CES5A: variants seen among roughly 807,000 people sequenced by gnomAD.
The protein encoded by CES5A is carboxylesterase 5A.
A neutral mutation model predicts 62.9 loss-of-function variants in CES5A; 67 were observed. That is an observed-to-expected ratio of 1.07 (90% CI 0.88 to 1.31). The LOEUF (loss-of-function observed/expected upper bound fraction) is 1.31. Ranked by LOEUF, CES5A falls within the 50% of genes most tolerant of loss-of-function variation. CES5A has a pLI of 0.00. For missense variants in CES5A, 748 were observed against 708.5 expected (o/e 1.06, Z -0.63); for synonymous variants, 296 against 280.8 (o/e 1.05, Z -0.54).
At chr16:55,941,198 G>A (rs1452058527) in intron 2 of CES5A, among the ~76,000 whole-genome samples, 2 of 151,938 alleles carry the variant, frequency 1.3e-5, no homozygotes, top group African/African-American at 4.8e-5. Flanking sequence ...TAGAAAAGAA[G>A]AAATAAAACC....
chr16:55,890,022 G>T (rs1347847303), intron 1 of CES5A, among the ~76,000 whole-genome samples: 3 of 152,142 alleles, frequency 2.0e-5, no homozygotes, highest in African/African-American at 4.8e-5. Context: ...TGACCTTCCA[G>T]CCAGGAAAGC....
At chr16:55,862,307 C>T (rs553417519) in intron 6 of CES5A, among the ~76,000 whole-genome samples, 150 of 152,188 alleles carry the variant, frequency 9.9e-4, no homozygotes, top group Non-Finnish European at 1.7e-3. Context: ...AGTTACAGAC[C>T]CTCTCCCTGG....
chr16:55,904,705 T>C (rs1209219433), intron 1 of CES5A, among the ~76,000 whole-genome samples: 3 of 152,226 alleles, frequency 2.0e-5, no homozygotes, highest in Non-Finnish European at 4.4e-5. Flanking sequence ...GTGATTTACC[T>C]ATAGTAGCAC....
Position 55,852,499 on chromosome 16 carries a change from C to T in CES5A, c.1273+382G>A, listed in dbSNP as rs1237712338. On this transcript the variant is annotated intron_variant, in intron 10 of 12. Transcript: ENST00000290567. ...GCATTTAAAATAGTTGATTTAAAGTCGATTACTTTAGGAGTTCCATTACTC... is the reference window on the plus strand; with the variant it reads ...GCATTTAAAATAGTTGATTTAAAGTTGATTACTTTAGGAGTTCCATTACTC... Among the ~76,000 whole-genome samples the T allele has an allele frequency of 3.3e-5, 5 of 152,204 alleles. No homozygotes were observed. The East Asian group carries it at 5.8e-4, about 18-fold the overall frequency.
At chr16:55,934,306 A>G (rs2034344973) in intron 2 of CES5A, among the ~76,000 whole-genome samples, 1 of 152,232 alleles carries the variant, frequency 6.6e-6, no homozygotes, top group Non-Finnish European at 1.5e-5. Flanking sequence ...TCACTGATGC[A>G]TTCCAAGCAT....
intron 1 of CES5A, among the ~76,000 whole-genome samples, chr16:55,888,401 G>A (rs991324066): frequency 2.0e-5 from 3 of 152,188 alleles, no homozygotes; most frequent in African/African-American, 7.2e-5. Context: ...AGAACCAGTG[G>A]ATAAAGGCTC....
At chr16:55,903,636 T>C (rs1240413214) in intron 1 of CES5A, among the ~76,000 whole-genome samples, 1 of 152,164 alleles carries the variant, frequency 6.6e-6, no homozygotes, top group Non-Finnish European at 1.5e-5. Context: ...ATAAGAGAAA[T>C]AGTAAAAATA....
chr16:55,905,640 A>G (rs1291906820), intron 1 of CES5A, among the ~76,000 whole-genome samples: 1 of 152,044 alleles, frequency 6.6e-6, no homozygotes, highest in Non-Finnish European at 1.5e-5. Flanking sequence ...GATTACAGGC[A>G]TGAGCCACCG....
At chr16:55,902,511 G>A (rs2034000840) in intron 1 of CES5A, among the ~76,000 whole-genome samples, 2 of 152,204 alleles carry the variant, frequency 1.3e-5, no homozygotes, top group Admixed American at 6.5e-5. Flanking sequence ...ACCTGCCCGT[G>A]GGAGGGATGT....
intron 1 of CES5A, among the ~76,000 whole-genome samples, chr16:55,923,629 A>C (rs2034230922): frequency 6.6e-6 from 1 of 151,912 alleles, no homozygotes; most frequent in Admixed American, 6.6e-5. Flanking sequence ...TCTTCAAAAA[A>C]ATTGAAGAGG....
intron 1 of CES5A, among the ~76,000 whole-genome samples, chr16:55,920,898 C>T: frequency 6.6e-6 from 1 of 152,042 alleles, no homozygotes; most frequent in East Asian, 1.9e-4. Flanking sequence ...AGAAATTTAC[C>T]ACAGAAACTT....
intron 1 of CES5A, among the ~76,000 whole-genome samples, chr16:55,918,525 C>A (rs1390173656): frequency 2.0e-5 from 3 of 152,170 alleles, no homozygotes; most frequent in Non-Finnish European, 4.4e-5. Flanking sequence ...TTACCAACTT[C>A]TTATCATTTC....
intron 2 of CES5A, among the ~76,000 whole-genome samples, chr16:55,949,323 C>G (rs2034529729): frequency 1.3e-5 from 2 of 152,170 alleles, no homozygotes; most frequent in African/African-American, 4.8e-5. Flanking sequence ...TCGGAACTGC[C>G]TGAGTTGGGG....
intron 1 of CES5A, among the ~76,000 whole-genome samples, chr16:55,916,557 C>T (rs151129792): frequency 9.8e-5 from 15 of 152,292 alleles, no homozygotes; most frequent in Non-Finnish European, 1.9e-4. Context: ...AACTAATTAA[C>T]CCAAATAGGA....
At position 55,859,588 on chromosome 16, in the gene CES5A, T is replaced by A; in HGVS notation, c.1015A>T (p.Ile339Phe). The A allele has an allele frequency of 6.2e-7, 1 of 1,613,908 alleles. No homozygotes were observed. Among genetic ancestry groups the A allele is most frequent in the Non-Finnish European group, 8.5e-7 (1 of 1,179,952 alleles). The stretch of plus-strand genomic sequence containing the variant: ...CCACACTCGTGGTTATTGACTCCGA[T>A]GATGGAAGGAATTGCTTTAAATGCT... ...QKAFKAIPSI[I>F]GVNNHECGFL... Residue 339 changes from isoleucine to phenylalanine, a missense_variant, in exon 8 of 13, where the codon ATC (isoleucine) becomes TTC (phenylalanine). Transcript: ENST00000290567.
chr16:55,909,162 A>G (rs769462593), intron 1 of CES5A, among the ~76,000 whole-genome samples: 12 of 152,152 alleles, frequency 7.9e-5, no homozygotes, highest in Non-Finnish European at 1.5e-4. Context: ...TCTGAGAGAC[A>G]CTGCCCTCCA....
At chr16:55,921,395 C>G (rs1035270373) in intron 1 of CES5A, among the ~76,000 whole-genome samples, 1 of 151,800 alleles carries the variant, frequency 6.6e-6, no homozygotes, top group Non-Finnish European at 1.5e-5. Flanking sequence ...CACAAAGGAG[C>G]CTCAATTTGT....
intron 7 of CES5A, 104 bp from the exon 8 acceptor site, chr16:55,859,791 A>G: frequency 9.6e-7 from 1 of 1,036,448 alleles, no homozygotes; most frequent in Non-Finnish European, 1.4e-6. Context: ...CCAGTCTAGC[A>G]CTGGCTTAAA....
At position 55,846,538 on chromosome 16, in the gene CES5A, C is replaced by T. The variant is rs1385633983; in HGVS notation, c.1641G>A (p.Leu547=). 2 of 1,614,012 alleles carry T rather than the reference C, an allele frequency of 1.2e-6. No homozygotes were observed. Among genetic ancestry groups the T allele is most frequent in the South Asian group, 1.1e-5 (1 of 91,076 alleles). Residue 547 remains leucine, a synonymous_variant, in exon 13 of 13, where the codon CTG becomes CTA. Transcript: ENST00000290567. ...DFWTSTIPLI[L]SASDMLHSPL... is the part of the protein sequence containing the mutation. ...GACTGTGGAGCATGTCGGAGGCAGA[C>T]AGGATCAGGGGGATGGTGCTGGTCC...
Sources: allele counts gnomAD v4.1 joint callset (sites outside exome capture counted in the v4.1 genomes callset), GRCh38; gene constraint gnomAD v4.1.1; transcripts MANE v1.5; gene names NCBI Gene and HGNC (gene_info 2026-07-23, HGNC 2026-07-21).